The following DGKI variants were observed in gnomAD, a reference collection of about 807,000 sequenced individuals.
The protein encoded by DGKI is DAG kinase iota.
Under a neutral mutation model 147.5 loss-of-function variants are expected in DGKI, and 55 were observed. The observed-to-expected ratio is 0.37, with a 90% CI of 0.30 to 0.47. DGKI has a LOEUF of 0.47. Ranked by LOEUF, DGKI falls within the 20% of genes least tolerant of loss-of-function variation. DGKI has a pLI of 1.00. For missense variants in DGKI, 1,007 were observed against 1,323.8 expected (o/e 0.76, Z 3.71); for synonymous variants, 469 against 477.1 (o/e 0.98, Z 0.22).
chr7:137,457,259 C>G (rs79581613), intron 27 of DGKI, among the ~76,000 whole-genome samples: 2,763 of 152,276 alleles, frequency 0.018, 82 homozygotes, highest in East Asian at 0.12. Context: ...CTGATTTCAT[C>G]TCTAAGATAT....
intron 21 of DGKI, among the ~76,000 whole-genome samples, chr7:137,506,982 G>T (rs1003278880): frequency 1.3e-5 from 2 of 152,110 alleles, no homozygotes; most frequent in Admixed American, 1.3e-4. Context: ...TTACTTGATG[G>T]CTGATAAGAA....
chr7:137,507,031 G>A (rs1359573017), intron 21 of DGKI, among the ~76,000 whole-genome samples: 1 of 152,188 alleles, frequency 6.6e-6, no homozygotes, highest in African/African-American at 2.4e-5. Flanking sequence ...TTTCAATCCA[G>A]TTTTTCCCTG....
intron 1 of DGKI, among the ~76,000 whole-genome samples, chr7:137,725,782 G>T (rs1469061918): frequency 1.3e-5 from 2 of 152,090 alleles, no homozygotes; most frequent in Admixed American, 1.3e-4. Context: ...CCATGTAAAT[G>T]AAACCGAAAG....
chr7:137,599,754 G>A (rs1819921470), intron 11 of DGKI, 69 bp downstream of exon 11: 2 of 1,394,210 alleles, frequency 1.4e-6, no homozygotes, highest in Admixed American at 1.7e-5. Context: ...AAGGTAATCA[G>A]ATAATGAAGC....
At chr7:137,654,233 G>C (rs1822138823) in intron 5 of DGKI, among the ~76,000 whole-genome samples, 1 of 152,120 alleles carries the variant, frequency 6.6e-6, no homozygotes, top group South Asian at 2.1e-4. Context: ...GAGATTTAGA[G>C]AGCTTAGGTG....
intron 1 of DGKI, among the ~76,000 whole-genome samples, chr7:137,717,877 T>TA (rs1275270318): frequency 6.6e-6 from 1 of 152,196 alleles, no homozygotes; most frequent in Non-Finnish European, 1.5e-5. Context: ...TGTTTCCACA[T>TA]ACACAGCCTC....
intron 4 of DGKI, among the ~76,000 whole-genome samples, chr7:137,655,156 GT>G (rs1169182418): frequency 2.6e-5 from 4 of 151,350 alleles, no homozygotes; most frequent in South Asian, 2.1e-4. Flanking sequence ...ATAAACTTGA[GT>G]TTTTTTAGTA....
chr7:137,398,123 G>T (rs1811619905), intron 30 of DGKI, among the ~76,000 whole-genome samples: 1 of 152,000 alleles, frequency 6.6e-6, no homozygotes, highest in Admixed American at 6.6e-5. Flanking sequence ...TCCCCATAAA[G>T]CCCTTCATGA....
At chr7:137,561,066 A>G (rs1446822845) in intron 19 of DGKI, among the ~76,000 whole-genome samples, 1 of 152,174 alleles carries the variant, frequency 6.6e-6, no homozygotes, top group African/African-American at 2.4e-5. Context: ...CAGCAATTGC[A>G]CTACTGGGCA....
At chr7:137,556,496 A>G (rs1165315733) in intron 19 of DGKI, among the ~76,000 whole-genome samples, 3 of 152,196 alleles carry the variant, frequency 2.0e-5, no homozygotes, top group Middle Eastern at 3.2e-3. Flanking sequence ...GTTAAAACTC[A>G]TAAGAAAGAT....
intron 20 of DGKI, among the ~76,000 whole-genome samples, chr7:137,533,134 A>T (rs892179931): frequency 3.9e-5 from 6 of 152,056 alleles, no homozygotes; most frequent in Admixed American, 6.6e-5. Flanking sequence ...ACTTTTTTTT[A>T]AATAAATAAA....
At chr7:137,762,697 C>G (rs552504600) in intron 1 of DGKI, among the ~76,000 whole-genome samples, 1 of 152,258 alleles carries the variant, frequency 6.6e-6, no homozygotes, top group African/African-American at 2.4e-5. Flanking sequence ...GGTTCAATAG[C>G]TCTCCCCAAG....
At chr7:137,818,053 C>T (rs1013624467) in intron 1 of DGKI, among the ~76,000 whole-genome samples, 5 of 152,082 alleles carry the variant, frequency 3.3e-5, no homozygotes, top group African/African-American at 1.2e-4. Context: ...ATATAGAAAC[C>T]GTTTATTCCA....
At chr7:137,699,729 A>C (rs1004771512) in intron 1 of DGKI, among the ~76,000 whole-genome samples, 3 of 152,202 alleles carry the variant, frequency 2.0e-5, no homozygotes, top group Non-Finnish European at 2.9e-5. Context: ...GACAACAAGA[A>C]AAGTGTATCA....
At chr7:137,745,969 G>C (rs1297590770) in intron 1 of DGKI, among the ~76,000 whole-genome samples, 1 of 152,076 alleles carries the variant, frequency 6.6e-6, no homozygotes, top group Non-Finnish European at 1.5e-5. Flanking sequence ...CGGTGGAAGA[G>C]ACAAACAGAA....
intron 1 of DGKI, among the ~76,000 whole-genome samples, chr7:137,812,153 T>TAA (rs1797610884): frequency 1.3e-5 from 2 of 152,178 alleles, no homozygotes. Context: ...AGAACCAGTC[T>TAA]AGTGTAAAGG....
intron 27 of DGKI, among the ~76,000 whole-genome samples, chr7:137,461,760 TAA>T (rs1034413829): frequency 6.6e-6 from 1 of 152,124 alleles, no homozygotes; most frequent in African/African-American, 2.4e-5. Flanking sequence ...CAGGTTTTTT[TAA>T]AAAGTGTCTA....
chr7:137,527,436 C>T (rs1817189422), intron 20 of DGKI, among the ~76,000 whole-genome samples: 1 of 152,162 alleles, frequency 6.6e-6, no homozygotes, highest in Admixed American at 6.5e-5. Context: ...AGTGGAATGT[C>T]GCTATCCACA....
chr7:137,571,416 T>C, intron 18 of DGKI, 130 bp from the exon 19 acceptor site: 9 of 646,800 alleles, frequency 1.4e-5, no homozygotes, highest in Non-Finnish European at 2.7e-6. Context: ...GGTACACACC[T>C]TCCATTAGAA....
Sources: allele counts gnomAD v4.1 joint callset (sites outside exome capture counted in the v4.1 genomes callset), GRCh38; gene constraint gnomAD v4.1.1; transcripts MANE v1.5; gene names NCBI Gene and HGNC (gene_info 2026-07-23, HGNC 2026-07-21).